ST8SIA3: variants seen among roughly 807,000 people sequenced by gnomAD.
The protein encoded by ST8SIA3 is ST8 alpha-N-acetyl-neuraminide alpha-2,8-sialyltransferase 3, also known as alpha-N-acetylneuraminate alpha-2,8-sialyltransferase ST8SIA3.
Under a neutral mutation model 34.5 loss-of-function variants are expected in ST8SIA3, and 17 were observed. The ratio of observed to expected loss-of-function variants is 0.49; its 90% CI spans 0.34 to 0.74. The LOEUF (loss-of-function observed/expected upper bound fraction) is 0.74, where lower values mean the gene tolerates loss of function less well. Among genes scored for constraint, ST8SIA3 ranks in the 30% least tolerant of loss-of-function variants. The pLI is 0.01. For missense variants in ST8SIA3, 354 were observed against 467.8 expected (o/e 0.76, Z 2.24); for synonymous variants, 172 against 176.1 (o/e 0.98, Z 0.19).
chr18:57,357,176 G>A lies in ST8SIA3; in HGVS notation c.566G>A (p.Cys189Tyr). 6.2e-7 allele frequency: 1 copy of A among 1,614,084 alleles called. No homozygotes were observed. Among genetic ancestry groups the A allele is most frequent in the South Asian group, 1.1e-5 (1 of 91,072 alleles). ...EIDKSDFVFR[C>Y]NFAPTEAFQR... is the part of the protein sequence containing the mutation. ...GATAAATCAGATTTTGTTTTCCGTTGCAATTTCGCCCCTACGGAGGCTTTC... is the reference window on the plus strand; with the variant it reads ...GATAAATCAGATTTTGTTTTCCGTTACAATTTCGCCCCTACGGAGGCTTTC... Residue 189 changes from cysteine (C) to tyrosine (Y), a missense_variant, in exon 3 of 4, where the codon TGC becomes TAC. By Grantham distance (194) the Cys-to-Tyr change is radical (BLOSUM62 -2). Transcript: ENST00000324000.
Position 57,352,964 on chromosome 18 carries a change from A to G in ST8SIA3, c.118A>G (p.Thr40Ala). The G allele has an allele frequency of 6.2e-7, 1 of 1,612,742 alleles. No individual in the cohort carries two copies. The change falls in exon 1 of 4, where the codon ACC becomes GCC. Residue 40 changes from threonine to alanine, a missense_variant. Thr to Ala is a moderately conservative substitution (Grantham distance 58). Transcript: ENST00000324000. ...YVSLKKENIF[T>A]TPKYASPGAP... is the part of the protein sequence containing the mutation. ...GTCCCTGAAAAAGGAGAACATCTTCACCACTCCCAAGTACGCCAGCCCGGG... is the reference window on the plus strand; with the variant it reads ...GTCCCTGAAAAAGGAGAACATCTTCGCCACTCCCAAGTACGCCAGCCCGGG...
chr18:57,367,617 G>A lies in ST8SIA3; in HGVS notation c.*7340G>A, dbSNP rs1153608. 0.21 allele frequency: 31,233 copies of A among 152,220 alleles called. 4,167 individuals are homozygous for A. The highest frequency in any genetic ancestry group is 0.37 in the African/African-American group (15,503 of 41,430). The allele number at this position is 152,220 out of a possible 1,614,324, so 9.4% of individuals were successfully genotyped here. Reference sequence around the variant, plus strand: ...GAAAATTGGCAGGGAAGAAAAATTGGCAGACAATGGGAAAGAGGTTTGGTC... The same window carrying A: ...GAAAATTGGCAGGGAAGAAAAATTGACAGACAATGGGAAAGAGGTTTGGTC... On this transcript the variant is annotated 3_prime_UTR_variant, in exon 4 of 4. Coordinates refer to ENST00000324000, the MANE Select transcript of ST8SIA3 (RefSeq NM_015879.3).
chr18:57,359,344 T>C (rs558384058), intron 3 of ST8SIA3, among the ~76,000 whole-genome samples: 17 of 152,148 alleles, frequency 1.1e-4, no homozygotes, highest in Non-Finnish European at 2.5e-4. Context: ...ATTTAAAAAA[T>C]TTAGCATGCC....
intron 3 of ST8SIA3, among the ~76,000 whole-genome samples, chr18:57,357,754 A>G (rs2049807613): frequency 6.6e-6 from 1 of 152,220 alleles, no homozygotes; most frequent in Non-Finnish European, 1.5e-5. Context: ...GCTATGGAGC[A>G]GTCATGGAAA....
intron 1 of ST8SIA3, among the ~76,000 whole-genome samples, chr18:57,353,860 C>A (rs1275257712): frequency 6.6e-6 from 1 of 152,208 alleles, no homozygotes; most frequent in Non-Finnish European, 1.5e-5. Flanking sequence ...CCCAGAGGAG[C>A]CTCGCCTGGA....
In ST8SIA3 at chr18:57,368,364, G is replaced by C. The variant is rs2049872509; in HGVS notation, c.*8087G>C. 6.6e-6 allele frequency: 1 copy of C among 152,198 alleles called. No homozygotes were observed. Among genetic ancestry groups the C allele is most frequent in the African/African-American group, 2.4e-5 (1 of 41,452 alleles). 9.4% of individuals were successfully genotyped at this position (152,198 alleles called of 1,614,324 possible). On this transcript the variant is annotated 3_prime_UTR_variant, in exon 4 of 4. Transcript: ENST00000324000. ...AATGATGAAACCAAAAGGTCAAAAA[G>C]TAGAAGAATAGCGAATGTAAGTTAT...
At chr18:57,355,300 C>T (rs2049792867) in intron 2 of ST8SIA3, among the ~76,000 whole-genome samples, 1 of 152,210 alleles carries the variant, frequency 6.6e-6, no homozygotes, top group Non-Finnish European at 1.5e-5. Flanking sequence ...GATTATTTTA[C>T]TGCTAAATGG....
intron 3 of ST8SIA3, among the ~76,000 whole-genome samples, chr18:57,358,000 T>G (rs2049809002): frequency 6.6e-6 from 1 of 152,266 alleles, no homozygotes; most frequent in South Asian, 2.1e-4. Context: ...GAGCATGTTG[T>G]TATCTCTTGG....
Position 57,357,709 on chromosome 18 carries a change from C to T in ST8SIA3, c.860+239C>T, listed in dbSNP as rs75179939. 2.2e-3 allele frequency among the ~76,000 whole-genome samples: 340 copies of T among 152,296 alleles called. 7 individuals are homozygous for T. The East Asian group carries it at 0.046, about 21-fold the overall frequency. ...AAGGATTGGGGCTTCATCAGTCTCC[C>T]GTCTCTATTCTCTGTCCTCTCCCTT... On this transcript the variant is annotated intron_variant, in intron 3 of 3. Coordinates refer to ENST00000324000, the MANE Select transcript of ST8SIA3 (RefSeq NM_015879.3).
At position 57,354,441 on chromosome 18, in the gene ST8SIA3, G is replaced by C. The variant is rs1262496255; in HGVS notation, c.219G>C (p.Val73=). The change falls in exon 2 of 4, where the codon GTG becomes GTC. Residue 73 remains valine, a synonymous_variant. Coordinates refer to ENST00000324000, the MANE Select transcript of ST8SIA3 (RefSeq NM_015879.3). ...FALKFLDPSF[V]PITNSLTQEL... is the part of the protein sequence containing the mutation. ...TGAAGTTTCTAGACCCGTCATTCGTGCCCATTACGAATTCTCTCACCCAGG... is the reference window on the plus strand; with the variant it reads ...TGAAGTTTCTAGACCCGTCATTCGTCCCCATTACGAATTCTCTCACCCAGG... The C allele has an allele frequency of 1.2e-6, 2 of 1,614,142 alleles. No homozygotes were observed. Among genetic ancestry groups the C allele is most frequent in the Non-Finnish European group, 1.7e-6 (2 of 1,180,010 alleles).
chr18:57,360,366 C>G lies in ST8SIA3; in HGVS notation c.*89C>G. 1 of 1,262,744 alleles carries G rather than the reference C, an allele frequency of 7.9e-7. No homozygotes were observed. Among genetic ancestry groups the G allele is most frequent in the African/African-American group, 1.5e-5 (1 of 65,876 alleles). 78.2% of individuals were successfully genotyped at this position (1,262,744 alleles called of 1,614,324 possible). ...TTCAGAATAGAACCCTAGAGAATGTCTTATAAGGATTGTCTGCCATTTAAA... is the reference window on the plus strand; with the variant it reads ...TTCAGAATAGAACCCTAGAGAATGTGTTATAAGGATTGTCTGCCATTTAAA... On this transcript the variant is annotated 3_prime_UTR_variant, in exon 4 of 4. Transcript: ENST00000324000.
At chr18:57,356,075 A>T (rs996213584) in intron 2 of ST8SIA3, among the ~76,000 whole-genome samples, 2 of 152,200 alleles carry the variant, frequency 1.3e-5, no homozygotes, top group African/African-American at 4.8e-5. Flanking sequence ...GTAGCATGTT[A>T]CCAGTCTCTC....
Position 57,357,008 on chromosome 18 carries a change from G to C in ST8SIA3, c.398G>C (p.Ser133Thr). The change falls in exon 3 of 4, where the codon AGC becomes ACC. Residue 133 changes from serine (S) to threonine (T), a missense_variant. Ser to Thr is a moderately conservative substitution (Grantham distance 58). Transcript: ENST00000324000. ...CAACTGATGCACTATGATTATTCCA[G>C]CCATAAATATGTTTTCTCTATTAGC... is the stretch of plus-strand genomic sequence containing the variant. The part of the protein sequence containing the change: ...IGQLMHYDYS[S>T]HKYVFSISNN... 6.2e-7 allele frequency: 1 copy of C among 1,613,996 alleles called. No individual in the cohort carries two copies. Among genetic ancestry groups the C allele is most frequent in the Non-Finnish European group, 8.5e-7 (1 of 1,179,934 alleles).
rs1019350478 is a variant in ST8SIA3, at chr18:57,364,445, G to A, written c.*4168G>A. 5.3e-5 allele frequency: 8 copies of A among 152,146 alleles called. No individual in the cohort carries two copies. The highest frequency in any genetic ancestry group is 8.8e-5 in the Non-Finnish European group (6 of 68,022). The allele number at this position is 152,146 out of a possible 1,614,324, so 9.4% of individuals were successfully genotyped here. ...AAGATATACAAATAATAATAACTTC[G>A]TGAGTCTTCATGTGCAAAATGACAA... On this transcript the variant is annotated 3_prime_UTR_variant, in exon 4 of 4. Transcript: ENST00000324000.
At position 57,362,043 on chromosome 18, in the gene ST8SIA3, A is replaced by G. The variant is rs1424976691; in HGVS notation, c.*1766A>G. 1.3e-5 allele frequency: 2 copies of G among 152,228 alleles called. No individual in the cohort carries two copies. Among genetic ancestry groups the G allele is most frequent in the African/African-American group, 4.8e-5 (2 of 41,456 alleles). The allele number at this position is 152,228 out of a possible 1,614,324, so 9.4% of individuals were successfully genotyped here. A position where few individuals can be genotyped will look rare whatever the true frequency, so the allele number is the denominator to read the frequency against. On this transcript the variant is annotated 3_prime_UTR_variant, in exon 4 of 4. Coordinates refer to ENST00000324000, the MANE Select transcript of ST8SIA3 (RefSeq NM_015879.3). Reference sequence around the variant, plus strand: ...AAGCAATCTAATTAGAGCAACTTGCATAGATCTAGATATTAACTAATGAAA... The same window carrying G: ...AAGCAATCTAATTAGAGCAACTTGCGTAGATCTAGATATTAACTAATGAAA...
chr18:57,357,621 T>C, intron 3 of ST8SIA3, 151 bp downstream of exon 3: 1 of 662,684 alleles, frequency 1.5e-6, no homozygotes, highest in Non-Finnish European at 2.5e-6. Flanking sequence ...AATGAGCGAA[T>C]GAATGAATCA....
chr18:57,362,054 T>C lies in ST8SIA3; in HGVS notation c.*1777T>C, dbSNP rs1165060970. The C allele has an allele frequency of 6.6e-6, 1 of 152,224 alleles. No individual in the cohort carries two copies. Among genetic ancestry groups the C allele is most frequent in the Non-Finnish European group, 1.5e-5 (1 of 68,034 alleles). 9.4% of individuals were successfully genotyped at this position (152,224 alleles called of 1,614,324 possible). Reference sequence around the variant, plus strand: ...TTAGAGCAACTTGCATAGATCTAGATATTAACTAATGAAAGAAACACCAAG... The same window carrying C: ...TTAGAGCAACTTGCATAGATCTAGACATTAACTAATGAAAGAAACACCAAG... On this transcript the variant is annotated 3_prime_UTR_variant, in exon 4 of 4. Transcript: ENST00000324000.
Position 57,368,874 on chromosome 18 carries a change from C to T in ST8SIA3, c.*8597C>T, listed in dbSNP as rs2049875860. The T allele has an allele frequency of 6.6e-6, 1 of 152,214 alleles. No homozygotes were observed. The highest frequency in any genetic ancestry group is 1.5e-5 in the Non-Finnish European group (1 of 68,038). 9.4% of individuals were successfully genotyped at this position (152,214 alleles called of 1,614,324 possible). On this transcript the variant is annotated 3_prime_UTR_variant, in exon 4 of 4. Transcript: ENST00000324000. ...GTGCCTGCCTCATTGCCTTGTGTTC[C>T]AAACACAGTACTGAATGCGTTGTTT...
chr18:57,359,972 C>T, intron 3 of ST8SIA3, 23 bp from the exon 4 acceptor site: 1 of 1,601,280 alleles, frequency 6.2e-7, no homozygotes, highest in Non-Finnish European at 8.5e-7. Context: ...CCTCTGAATC[C>T]AAATGTACTT....
Sources: gnomAD v4.1 joint callset for allele counts (sites outside exome capture counted in the v4.1 genomes callset) on GRCh38, gnomAD v4.1.1 for gene constraint, MANE v1.5 for transcripts, NCBI Gene and HGNC (gene_info 2026-07-23, HGNC 2026-07-21) for gene names.